PPP2R2C: variants seen among roughly 807,000 people sequenced by gnomAD.
PPP2R2C encodes protein phosphatase 2 regulatory subunit Bgamma.
In PPP2R2C, 10 loss-of-function variants were observed where a neutral mutation model predicts 45.3. That is an observed-to-expected ratio of 0.22 (90% CI 0.14 to 0.37). PPP2R2C has a LOEUF of 0.37. Ranked by LOEUF, PPP2R2C falls within the 10% of genes least tolerant of loss-of-function variation. The pLI is 1.00. For missense variants in PPP2R2C, 308 were observed against 619.7 expected (o/e 0.50, Z 5.34); for synonymous variants, 257 against 245.4 (o/e 1.05, Z -0.44).
chr4:6,383,416 GC>G (rs1268283890), intron 1 of PPP2R2C: 7 of 1,289,728 alleles, frequency 5.4e-6, no homozygotes, highest in Non-Finnish European at 7.1e-6. Context: ...CCCTTCCCCA[GC>G]CTCATCTACT....
intron 5 of PPP2R2C, among the ~76,000 whole-genome samples, chr4:6,358,015 G>C (rs1199421019): frequency 6.6e-6 from 1 of 152,192 alleles, no homozygotes; most frequent in East Asian, 1.9e-4. Flanking sequence ...CCAAAAAAGA[G>C]CCCGCATTCC....
Position 6,388,844 on chromosome 4 carries a change from T to C in PPP2R2C, c.71-7750A>G, listed in dbSNP as rs796254574. ...CTCCAGAACTGTGAGAGAACAAATT[T>C]CGGTTGTTTTAAGCCACGCAGTTTG... On this transcript the variant is annotated intron_variant, in intron 1 of 8. Coordinates refer to ENST00000382599, the MANE Select transcript of PPP2R2C (RefSeq NM_020416.4). Among the ~76,000 whole-genome samples, 49 of 152,090 alleles carry C rather than the reference T, an allele frequency of 3.2e-4. 1 individual carries two copies. Among genetic ancestry groups the C allele is most frequent in the African/African-American group, 1.0e-3 (42 of 41,486 alleles).
intron 1 of PPP2R2C, among the ~76,000 whole-genome samples, chr4:6,424,862 C>T (rs563683679): frequency 1.4e-4 from 21 of 152,284 alleles, no homozygotes; most frequent in East Asian, 1.2e-3. Context: ...AGGCTAAGAC[C>T]GTACAGCCAG....
intron 2 of PPP2R2C, among the ~76,000 whole-genome samples, chr4:6,528,546 C>T (rs906420872): frequency 5.9e-5 from 7 of 118,090 alleles, no homozygotes; most frequent in African/African-American, 2.5e-4. Context: ...TGTGTTCTGA[C>T]AGCCAGGGAG....
Position 6,511,493 on chromosome 4 carries a change from TGATGGC to T in PPP2R2C, c.49+23772_49+23777del, listed in dbSNP as rs201642115. 3.5e-3 allele frequency among the ~76,000 whole-genome samples: 350 copies of T among 100,920 alleles called. 7 individuals are homozygous for T. The highest frequency in any genetic ancestry group is 8.4e-3 in the African/African-American group (191 of 22,640). The allele number at this position is 100,920 out of a possible 152,430, so 66.2% of individuals were successfully genotyped here. The stretch of plus-strand genomic sequence containing the variant: ...GTGGTGGTGATGGCGGTGTTGGTGG[TGATGGC>T]GGTGATGGTGGTGGTGGTGGTGGTG... On this transcript the variant is annotated intron_variant, in intron 2 of 9. Transcript: ENST00000506140.
chr4:6,530,230 C>G (rs1266364767), intron 2 of PPP2R2C, among the ~76,000 whole-genome samples: 1 of 152,196 alleles, frequency 6.6e-6, no homozygotes, highest in African/African-American at 2.4e-5. Flanking sequence ...AAAGCACCCA[C>G]TTGTAACTGC....
intron 1 of PPP2R2C, chr4:6,383,168 G>A: frequency 2.6e-6 from 3 of 1,172,526 alleles, no homozygotes; most frequent in South Asian, 1.6e-5. Flanking sequence ...GGCGGTACCA[G>A]GAGCAGGACC....
intron 2 of PPP2R2C, among the ~76,000 whole-genome samples, chr4:6,527,271 T>C (rs1210041796): frequency 6.6e-6 from 1 of 152,138 alleles, no homozygotes; most frequent in Non-Finnish European, 1.5e-5. Context: ...GGGCCTCGGT[T>C]TACCCCGCTA....
intron 2 of PPP2R2C, among the ~76,000 whole-genome samples, chr4:6,481,807 C>T (rs531363962): frequency 4.6e-5 from 7 of 151,646 alleles, no homozygotes; most frequent in South Asian, 4.2e-4. Flanking sequence ...GATGAGACCC[C>T]ATCTCTACTA....
intron 2 of PPP2R2C, among the ~76,000 whole-genome samples, chr4:6,508,311 G>C (rs1021834348): frequency 2.0e-5 from 3 of 152,228 alleles, no homozygotes; most frequent in South Asian, 2.1e-4. Context: ...TGGGGGCCAG[G>C]TGCGGTGGCT....
At chr4:6,534,054 A>C (rs183617239) in intron 2 of PPP2R2C, among the ~76,000 whole-genome samples, 1 of 151,872 alleles carries the variant, frequency 6.6e-6, no homozygotes, top group Non-Finnish European at 1.5e-5. Context: ...ACACCAACAC[A>C]CATATCAACA....
intron 2 of PPP2R2C, among the ~76,000 whole-genome samples, chr4:6,500,416 G>A (rs1723013288): frequency 6.6e-6 from 1 of 152,206 alleles, no homozygotes; most frequent in South Asian, 2.1e-4. Flanking sequence ...CTAAAGTGCT[G>A]GGATTACAGG....
intron 1 of PPP2R2C, among the ~76,000 whole-genome samples, chr4:6,537,418 C>T (rs912165892): frequency 6.6e-6 from 1 of 152,068 alleles, no homozygotes; most frequent in Non-Finnish European, 1.5e-5. Flanking sequence ...TTGATTTTTA[C>T]ACACCTTCTA....
At chr4:6,447,715 G>T (rs1720505646) in intron 1 of PPP2R2C, among the ~76,000 whole-genome samples, 1 of 152,054 alleles carries the variant, frequency 6.6e-6, no homozygotes, top group Non-Finnish European at 1.5e-5. Context: ...GCTTGGCAGG[G>T]ACACAGCCTG....
intron 1 of PPP2R2C, among the ~76,000 whole-genome samples, chr4:6,417,130 C>T (rs866379255): frequency 2.0e-5 from 3 of 152,218 alleles, no homozygotes; most frequent in Non-Finnish European, 4.4e-5. Context: ...CTCTTTGCCG[C>T]CCCTTTTGGC....
chr4:6,336,156 A>T (rs897396914), intron 6 of PPP2R2C, among the ~76,000 whole-genome samples: 1 of 151,984 alleles, frequency 6.6e-6, no homozygotes, highest in Admixed American at 6.5e-5. Flanking sequence ...TGTTTAACGA[A>T]ACTCAAAACT....
chr4:6,383,041 C>T (rs564757349), intron 1 of PPP2R2C: 2 of 1,082,494 alleles, frequency 1.8e-6, no homozygotes, highest in Non-Finnish European at 1.1e-6. Context: ...CTCTGCCCCC[C>T]ACCTTGATTC....
In PPP2R2C at chr4:6,453,338, G is replaced by C. The variant is rs112356932; in HGVS notation, c.70+18822C>G. ...GGCAGCAGGGACAGTATGGGAGACAGATCCCCAAAGAGGAAGGAGCGGCGT... is the reference window on the plus strand; with the variant it reads ...GGCAGCAGGGACAGTATGGGAGACACATCCCCAAAGAGGAAGGAGCGGCGT... On this transcript the variant is annotated intron_variant, in intron 1 of 8. Transcript: ENST00000382599. Among the ~76,000 whole-genome samples, 1,361 of 152,292 alleles carry C rather than the reference G, an allele frequency of 8.9e-3. 16 individuals carry two copies. Among genetic ancestry groups the C allele is most frequent in the African/African-American group, 0.031 (1,273 of 41,546 alleles).
At chr4:6,556,885 G>A (rs551680777) in intron 1 of PPP2R2C, among the ~76,000 whole-genome samples, 10 of 152,204 alleles carry the variant, frequency 6.6e-5, no homozygotes, top group Non-Finnish European at 1.2e-4. Flanking sequence ...GGGGGAAGGA[G>A]GCGGCAACCC....
Sources: allele counts gnomAD v4.1 joint callset (sites outside exome capture counted in the v4.1 genomes callset), GRCh38; gene constraint gnomAD v4.1.1; transcripts MANE v1.5; gene names NCBI Gene and HGNC (gene_info 2026-07-23, HGNC 2026-07-21).